The following SPOCK3 variants were observed in gnomAD, a reference collection of about 807,000 sequenced individuals.
The protein encoded by SPOCK3 is testican-3.
In SPOCK3, 30 loss-of-function variants were observed where a neutral mutation model predicts 56.6. The observed-to-expected ratio is 0.53, with a 90% CI of 0.40 to 0.72. SPOCK3 has a LOEUF of 0.72. Ranked by LOEUF, SPOCK3 falls within the 30% of genes least tolerant of loss-of-function variation. The pLI, the probability that SPOCK3 is intolerant of heterozygous loss-of-function variation, is 0.00. For synonymous variants in SPOCK3, 196 were observed against 183.3 expected, an observed-to-expected ratio of 1.07 and a Z score of -0.56; for missense variants, 527 against 530.0, an observed-to-expected ratio of 0.99 and a Z score of 0.06.
At chr4:167,078,481 G>A (rs1268344472) in intron 2 of SPOCK3, among the ~76,000 whole-genome samples, 1 of 151,458 alleles carries the variant, frequency 6.6e-6, no homozygotes, top group Non-Finnish European at 1.5e-5. Context: ...AGTTGGTTTT[G>A]CAAGATATAT....
intron 2 of SPOCK3, among the ~76,000 whole-genome samples, chr4:167,186,932 G>A (rs951506297): frequency 8.8e-5 from 13 of 147,372 alleles, no homozygotes; most frequent in South Asian, 6.5e-4. Context: ...AGCCGAGATC[G>A]TGCCACTGCA....
At chr4:167,213,400 CT>C (rs1735061114) in intron 2 of SPOCK3, among the ~76,000 whole-genome samples, 1 of 151,958 alleles carries the variant, frequency 6.6e-6, no homozygotes, top group African/African-American at 2.4e-5. Flanking sequence ...AATATTCTTG[CT>C]TTTTTCATGT....
intron 2 of SPOCK3, among the ~76,000 whole-genome samples, chr4:167,167,693 C>T (rs1171551067): frequency 6.6e-6 from 1 of 152,254 alleles, no homozygotes; most frequent in East Asian, 1.9e-4. Flanking sequence ...GGAACATTTG[C>T]TCCAGTATCA....
chr4:167,093,560 G>A (rs1561208170), intron 2 of SPOCK3, among the ~76,000 whole-genome samples: 1 of 152,056 alleles, frequency 6.6e-6, no homozygotes, highest in Non-Finnish European at 1.5e-5. Flanking sequence ...TTCTGTTCCT[G>A]TGTTAGTTTG....
At chr4:166,978,274 A>G (rs986776431) in intron 4 of SPOCK3, among the ~76,000 whole-genome samples, 2 of 152,086 alleles carry the variant, frequency 1.3e-5, no homozygotes, top group African/African-American at 4.8e-5. Flanking sequence ...TGCACTCAGG[A>G]GCCCTGATTA....
intron 3 of SPOCK3, among the ~76,000 whole-genome samples, chr4:167,049,814 T>C (rs896581781): frequency 2.0e-5 from 3 of 152,134 alleles, no homozygotes; most frequent in African/African-American, 7.2e-5. Context: ...CAACAACATA[T>C]GCCAAATGAT....
At chr4:166,899,508 C>CTTTCTT (rs1553997547) in intron 5 of SPOCK3, among the ~76,000 whole-genome samples, 1 of 119,100 alleles carries the variant, frequency 8.4e-6, no homozygotes, top group African/African-American at 3.1e-5. Context: ...TTCTTTCTTT[C>CTTTCTT]TTTTTTTTTT....
At chr4:167,136,562 A>T (rs967382717) in intron 2 of SPOCK3, among the ~76,000 whole-genome samples, 2 of 152,164 alleles carry the variant, frequency 1.3e-5, no homozygotes, top group African/African-American at 4.8e-5. Flanking sequence ...AACAATAAAG[A>T]TCTATCAGTC....
rs759741787 is a variant in SPOCK3 at position 167,062,512 on chromosome 4, G to T, written c.215C>A (p.Pro72Gln). 1.2e-6 allele frequency: 2 copies of T among 1,606,652 alleles called. No homozygotes were observed. Among genetic ancestry groups the T allele is most frequent in the Non-Finnish European group, 1.7e-6 (2 of 1,174,618 alleles). The change falls in exon 3 of 11, where the codon CCA becomes CAA. Residue 72 changes from proline (P) to glutamine (Q), a missense_variant. Transcript: ENST00000357545. The part of the protein sequence containing the change: ...RDDDYFRTWS[P>Q]GKPFDQALDP... ...CTTACCCTGATCGAAGGGTTTTCCTGGACTCCAAGTGCGGAAATAATCATC... is the reference window on the plus strand; with the variant it reads ...CTTACCCTGATCGAAGGGTTTTCCTTGACTCCAAGTGCGGAAATAATCATC...
At chr4:166,883,710 G>A (rs1168197874) in intron 6 of SPOCK3, among the ~76,000 whole-genome samples, 9 of 152,168 alleles carry the variant, frequency 5.9e-5, no homozygotes, top group Non-Finnish European at 1.0e-4. Flanking sequence ...TGAAACAAAT[G>A]TCTTTTAGTA....
intron 2 of SPOCK3, among the ~76,000 whole-genome samples, chr4:167,134,401 G>A (rs956562174): frequency 9.2e-5 from 14 of 151,998 alleles, no homozygotes; most frequent in Non-Finnish European, 1.8e-4. Flanking sequence ...GAGTGGAAGC[G>A]TTGTTACTGG....
At chr4:166,790,381 G>C (rs1260157599) in intron 7 of SPOCK3, among the ~76,000 whole-genome samples, 1 of 152,176 alleles carries the variant, frequency 6.6e-6, no homozygotes, top group Non-Finnish European at 1.5e-5. Context: ...CACCCATAGG[G>C]TGCACAGATC....
chr4:166,742,543 T>G (rs11932671), intron 8 of SPOCK3, among the ~76,000 whole-genome samples: 4,065 of 152,276 alleles, frequency 0.027, 190 homozygotes, highest in African/African-American at 0.092. Context: ...CAAGTAACTT[T>G]GTGTTACAAA....
Position 166,842,049 on chromosome 4 carries a change from G to A in SPOCK3, c.589+47081C>T, listed in dbSNP as rs576416422. Reference sequence around the variant, plus strand: ...CAGTCAGTGTTAAGGCTCTTAAGGCGTTGCGTCGGGAATTGTTCATTCCTC... The same window carrying A: ...CAGTCAGTGTTAAGGCTCTTAAGGCATTGCGTCGGGAATTGTTCATTCCTC... On this transcript the variant is annotated intron_variant, in intron 6 of 10. Coordinates refer to ENST00000357545, the MANE Select transcript of SPOCK3 (RefSeq NM_001040159.2). Among the ~76,000 whole-genome samples, 144 of 152,230 alleles carry A rather than the reference G, an allele frequency of 9.5e-4. 1 individual carries two copies. The highest frequency in any genetic ancestry group is 7.2e-4 in the Non-Finnish European group (49 of 68,026).
intron 4 of SPOCK3, among the ~76,000 whole-genome samples, chr4:166,974,351 T>G (rs1170755170): frequency 6.6e-6 from 1 of 152,180 alleles, no homozygotes; most frequent in Non-Finnish European, 1.5e-5. Context: ...TTTCAGATTT[T>G]GAAATCTATT....
intron 2 of SPOCK3, among the ~76,000 whole-genome samples, chr4:167,205,536 AAT>A (rs1354957098): frequency 1.1e-4 from 7 of 61,884 alleles, no homozygotes; most frequent in Admixed American, 6.8e-4. Context: ...ATTATTATAT[AAT>A]ATATATTATA....
chr4:167,002,051 C>G (rs2558139), intron 3 of SPOCK3, among the ~76,000 whole-genome samples: 60,741 of 151,942 alleles, frequency 0.4, 14,660 homozygotes, highest in East Asian at 0.67. Context: ...CTCCACTTCA[C>G]AGGCTTAAGT....
intron 2 of SPOCK3, among the ~76,000 whole-genome samples, chr4:167,100,281 A>T (rs1399478930): frequency 6.6e-6 from 1 of 151,978 alleles, no homozygotes; most frequent in Admixed American, 6.6e-5. Flanking sequence ...TAACCAGCTG[A>T]CTCTATTCAG....
intron 2 of SPOCK3, among the ~76,000 whole-genome samples, chr4:167,172,315 G>A (rs1013434660): frequency 6.6e-6 from 1 of 152,112 alleles, no homozygotes; most frequent in Non-Finnish European, 1.5e-5. Context: ...TCTTTACACT[G>A]GGACTATACC....
Sources: gnomAD v4.1 joint callset for allele counts (sites outside exome capture counted in the v4.1 genomes callset) on GRCh38, gnomAD v4.1.1 for gene constraint, MANE v1.5 for transcripts, NCBI Gene and HGNC (gene_info 2026-07-23, HGNC 2026-07-21) for gene names.